GHR: variants seen among roughly 807,000 people sequenced by gnomAD.
The protein encoded by GHR is GH receptor.
GHR carries 35 observed loss-of-function variants against 67.1 expected under a neutral mutation model. That is an observed-to-expected ratio of 0.52 (90% confidence interval 0.40 to 0.69). GHR has a LOEUF of 0.69. GHR is among the 30% of genes least tolerant of loss of function. GHR has a pLI of 0.00. For synonymous variants in GHR, 272 were observed against 269.1 expected, an observed-to-expected ratio of 1.01 and a Z score of -0.10; for missense variants, 792 against 764.6, an observed-to-expected ratio of 1.04 and a Z score of -0.42.
At chr5:42,446,558 T>C (rs1248526837) in intron 1 of GHR, among the ~76,000 whole-genome samples, 1 of 152,216 alleles carries the variant, frequency 6.6e-6, no homozygotes, top group East Asian at 1.9e-4. Flanking sequence ...AGTAACATGA[T>C]CAGATTTGTT....
intron 2 of GHR, among the ~76,000 whole-genome samples, chr5:42,571,252 A>G (rs540834167): frequency 9.9e-5 from 15 of 152,024 alleles, no homozygotes; most frequent in South Asian, 2.1e-4. Context: ...CTTTTGTACT[A>G]TTTCTCTGAA....
intron 3 of GHR, among the ~76,000 whole-genome samples, chr5:42,631,887 T>G (rs1753945559): frequency 6.6e-6 from 1 of 152,136 alleles, no homozygotes; most frequent in Non-Finnish European, 1.5e-5. Context: ...TACTTTATAC[T>G]TGGGTCCAAG....
chr5:42,465,789 C>T (rs2112072185), intron 1 of GHR: 2 of 799,464 alleles, frequency 2.5e-6, no homozygotes, highest in Non-Finnish European at 4.6e-6. Flanking sequence ...ATTTCACGTC[C>T]ACTGCCCTCT....
chr5:42,589,149 T>A (rs779023767), intron 2 of GHR, among the ~76,000 whole-genome samples: 6 of 152,204 alleles, frequency 3.9e-5, no homozygotes, highest in Non-Finnish European at 5.9e-5. Context: ...AAAATATTGA[T>A]GGGGATTCAG....
chr5:42,534,135 C>CGT (rs1748109315), intron 1 of GHR, among the ~76,000 whole-genome samples: 3 of 142,504 alleles, frequency 2.1e-5, no homozygotes, highest in African/African-American at 7.9e-5. Context: ...TATATATGTA[C>CGT]ATATGTATAT....
intron 1 of GHR, among the ~76,000 whole-genome samples, chr5:42,539,320 A>G (rs1041668344): frequency 1.3e-5 from 2 of 152,194 alleles, no homozygotes; most frequent in African/African-American, 2.4e-5. Context: ...GCTCTGTCAG[A>G]GGGAAGGTCC....
intron 3 of GHR, chr5:42,647,678 A>C (rs1352690196): frequency 2.2e-6 from 1 of 451,166 alleles, no homozygotes; most frequent in Non-Finnish European, 4.4e-6. Context: ...CCTAATGCAG[A>C]GTAGAGAAGC....
intron 1 of GHR, among the ~76,000 whole-genome samples, chr5:42,445,909 CAT>C (rs1743788229): frequency 6.6e-6 from 1 of 152,142 alleles, no homozygotes; most frequent in African/African-American, 2.4e-5. Context: ...AAGAGAGACT[CAT>C]AATATGGCAG....
intron 6 of GHR, among the ~76,000 whole-genome samples, chr5:42,700,428 A>G (rs1409016988): frequency 6.6e-6 from 1 of 152,190 alleles, no homozygotes; most frequent in African/African-American, 2.4e-5. Flanking sequence ...ACGTGTCTAT[A>G]GGAAAACAGA....
chr5:42,699,829 C>G lies in GHR; in HGVS notation c.445C>G (p.Pro149Ala), dbSNP rs888301895. Residue 149 changes from proline (P) to alanine (A), a missense_variant, in exon 6 of 10, where the codon CCA becomes GCA. Physicochemically the swap from Pro to Ala is conservative, Grantham distance 27. Coordinates refer to ENST00000230882, the MANE Select transcript of GHR (RefSeq NM_000163.5). ...KCFSVDEIVQ[P>A]DPPIALNWTL... Reference sequence around the variant, plus strand: ...TGCTCTGTTGAATTGCACAGTGCAACCAGATCCACCCATTGCCCTCAACTG... The same window carrying G: ...TGCTCTGTTGAATTGCACAGTGCAAGCAGATCCACCCATTGCCCTCAACTG... 5 of 1,605,044 alleles carry G rather than the reference C, an allele frequency of 3.1e-6. No homozygotes were observed. The highest frequency in any genetic ancestry group is 1.7e-5 in the Admixed American group (1 of 59,928).
rs898074355 is a variant in GHR at position 42,719,197 on chromosome 5, G to A, written c.1690G>A (p.Asp564Asn). Residue 564 changes from aspartate to asparagine, a missense_variant, in exon 10 of 10, where the codon GAC becomes AAC. Transcript: ENST00000230882. ...SHIQPSLNQE[D>N]IYITTESLTT... Reference sequence around the variant, plus strand: ...CATACAGCCAAGCTTAAACCAAGAGGACATTTACATCACCACAGAAAGCCT... The same window carrying A: ...CATACAGCCAAGCTTAAACCAAGAGAACATTTACATCACCACAGAAAGCCT... 1 of 1,614,078 alleles carries A rather than the reference G, an allele frequency of 6.2e-7. No homozygotes were observed. The highest frequency in any genetic ancestry group is 8.5e-7 in the Non-Finnish European group (1 of 1,180,002).
At chr5:42,600,031 G>A (rs1336775423) in intron 2 of GHR, among the ~76,000 whole-genome samples, 1 of 152,200 alleles carries the variant, frequency 6.6e-6, no homozygotes, top group African/African-American at 2.4e-5. Flanking sequence ...CAGAGTCCTG[G>A]AGCATATCTC....
chr5:42,571,303 G>T (rs1750297260), intron 2 of GHR, among the ~76,000 whole-genome samples: 1 of 152,214 alleles, frequency 6.6e-6, no homozygotes, highest in Admixed American at 6.5e-5. Context: ...GCAGCTGTCT[G>T]CTCAGCTCTG....
At chr5:42,674,459 T>C (rs1169211509) in intron 3 of GHR, among the ~76,000 whole-genome samples, 2 of 152,122 alleles carry the variant, frequency 1.3e-5, no homozygotes, top group African/African-American at 4.8e-5. Context: ...TCTAGAACAT[T>C]TTCATTACTT....
chr5:42,564,406 C>T (rs1198811134), intron 1 of GHR, among the ~76,000 whole-genome samples: 2 of 151,554 alleles, frequency 1.3e-5, no homozygotes, highest in African/African-American at 2.4e-5. Flanking sequence ...ATGTTTCTCA[C>T]GTGAAATCTC....
intron 3 of GHR, among the ~76,000 whole-genome samples, chr5:42,663,170 G>C (rs1020350756): frequency 6.6e-6 from 1 of 152,190 alleles, no homozygotes; most frequent in Non-Finnish European, 1.5e-5. Flanking sequence ...GAGGTACAAG[G>C]AGGAACTGGT....
At chr5:42,604,564 G>T (rs1580037458) in intron 2 of GHR, among the ~76,000 whole-genome samples, 1 of 152,212 alleles carries the variant, frequency 6.6e-6, no homozygotes, top group East Asian at 1.9e-4. Flanking sequence ...CAGGTGAATA[G>T]AGGGTAAGAG....
At chr5:42,469,675 C>T (rs1218175787) in intron 1 of GHR, among the ~76,000 whole-genome samples, 1 of 152,192 alleles carries the variant, frequency 6.6e-6, no homozygotes, top group African/African-American at 2.4e-5. Context: ...GAGCAGACTC[C>T]TTAGACCCAG....
At chr5:42,679,116 ATATAT>A (rs1036897872) in intron 3 of GHR, among the ~76,000 whole-genome samples, 1 of 144,280 alleles carries the variant, frequency 6.9e-6, no homozygotes, top group African/African-American at 2.5e-5. Flanking sequence ...TATTATTATA[ATATAT>A]TATATATTAA....
Sources: gnomAD v4.1 joint callset for allele counts (sites outside exome capture counted in the v4.1 genomes callset) on GRCh38, gnomAD v4.1.1 for gene constraint, MANE v1.5 for transcripts, NCBI Gene and HGNC (gene_info 2026-07-23, HGNC 2026-07-21) for gene names.